The following CDK12 variants were observed in gnomAD, a reference collection of about 807,000 sequenced individuals.
The protein encoded by CDK12 is cyclin-dependent kinase 12.
Under a neutral mutation model 133.8 loss-of-function variants are expected in CDK12, and 17 were observed. The observed-to-expected ratio is 0.13, with a 90% CI of 0.09 to 0.19. The LOEUF (loss-of-function observed/expected upper bound fraction) is 0.19, where lower values mean the gene tolerates loss of function less well. Among genes scored for constraint, CDK12 ranks in the 10% least tolerant of loss-of-function variants. CDK12 has a pLI of 1.00. For missense variants in CDK12, 1,508 were observed against 1,818.7 expected (o/e 0.83, Z 3.11); for synonymous variants, 694 against 683.6 (o/e 1.02, Z -0.24).
intron 8 of CDK12, among the ~76,000 whole-genome samples, chr17:39,512,284 T>G (rs549754594): frequency 2.6e-5 from 4 of 152,278 alleles, no homozygotes; most frequent in Non-Finnish European, 5.9e-5. Flanking sequence ...AAATTGTAAA[T>G]GGATTAAAGG....
upstream of CDK12, chr17:39,544,189 G>T (rs1056330453): frequency 8.4e-6 from 4 of 477,538 alleles, no homozygotes; most frequent in Non-Finnish European, 1.7e-5. Context: ...GACCAAAGAT[G>T]TTCTTTGGTG....
chr17:39,530,304 C>T (rs2146818863), intron 13 of CDK12: 2 of 267,380 alleles, frequency 7.5e-6, no homozygotes, highest in Admixed American at 4.9e-5. Flanking sequence ...AGTCTGCCAA[C>T]AGCCTGCATG....
intron 1 of CDK12, chr17:39,550,555 GA>G (rs1483787440): frequency 6.6e-6 from 1 of 152,238 alleles, no homozygotes. Context: ...GTAGAGAGAA[GA>G]CAAGAGCTAT....
downstream of CDK12, among the ~76,000 whole-genome samples, chr17:39,535,992 CTT>C (rs2055117473): frequency 6.6e-6 from 1 of 152,080 alleles, no homozygotes; most frequent in African/African-American, 2.4e-5. Context: ...TTCCTGGACA[CTT>C]TGGTTAATTT....
At chr17:39,481,549 G>A (rs2145549599) in intron 2 of CDK12, among the ~76,000 whole-genome samples, 2 of 150,714 alleles carry the variant, frequency 1.3e-5, no homozygotes, top group East Asian at 3.9e-4. Context: ...AGCTCAAGCA[G>A]TCTGCCCACC....
chr17:39,563,341 G>A (rs1039385913), intron 3 of CDK12, among the ~76,000 whole-genome samples: 1 of 151,044 alleles, frequency 6.6e-6, no homozygotes, highest in Admixed American at 6.6e-5. Flanking sequence ...ATGGCCATGA[G>A]TCAGGTGGGC....
intron 1 of CDK12, among the ~76,000 whole-genome samples, chr17:39,466,493 A>C (rs960083939): frequency 6.6e-6 from 1 of 151,368 alleles, no homozygotes; most frequent in African/African-American, 2.4e-5. Context: ...ACATGCCTGT[A>C]ATCCCAGCTA....
chr17:39,515,014 G>A (rs1242526220), intron 8 of CDK12, among the ~76,000 whole-genome samples: 1 of 152,042 alleles, frequency 6.6e-6, no homozygotes, highest in East Asian at 1.9e-4. Flanking sequence ...TAAATGATTT[G>A]AGATTTATTC....
chr17:39,490,676 A>T lies in CDK12; in HGVS notation c.2051A>T (p.Asp684Val). Reference sequence around the variant, plus strand: ...CCTGGTGGAGATCTGTCTCCCCCAGACTCTCCAGAACCAAAGGCAATCACA... The same window carrying T: ...CCTGGTGGAGATCTGTCTCCCCCAGTCTCTCCAGAACCAAAGGCAATCACA... ...ELPGGDLSPP[D>V]SPEPKAITPP... The change falls in exon 3 of 14, where the codon GAC becomes GTC. Residue 684 changes from aspartate to valine, a missense_variant. Around this residue, in one of 9 missense-constraint regions of CDK12, gnomAD observed 347 missense variants for 330.8 expected, o/e 1.05. Coordinates refer to ENST00000447079, the MANE Select transcript of CDK12 (RefSeq NM_016507.4). 1 of 1,613,546 alleles carries T rather than the reference A, an allele frequency of 6.2e-7. No homozygotes were observed. The highest frequency in any genetic ancestry group is 8.5e-7 in the Non-Finnish European group (1 of 1,179,718).
intron 3 of CDK12, among the ~76,000 whole-genome samples, chr17:39,556,695 A>T (rs1311105952): frequency 6.6e-6 from 1 of 151,450 alleles, no homozygotes; most frequent in Non-Finnish European, 1.5e-5. Flanking sequence ...CACTGATGGG[A>T]AATTTATAGC....
chr17:39,472,813 C>T (rs1007473247), intron 2 of CDK12, among the ~76,000 whole-genome samples: 2 of 151,216 alleles, frequency 1.3e-5, no homozygotes, highest in Non-Finnish European at 3.0e-5. Context: ...CGGTGGCTCA[C>T]GCCTGTAATC....
At position 39,526,048 on chromosome 17, in the gene CDK12, T is replaced by C; in HGVS notation, c.3492T>C (p.Thr1164=). 2 of 1,614,210 alleles carry C rather than the reference T, an allele frequency of 1.2e-6. No homozygotes were observed. The highest frequency in any genetic ancestry group is 2.2e-5 in the East Asian group (1 of 44,888). The change falls in exon 13 of 14, where the codon ACT becomes ACC. Residue 1164 remains threonine (T), a synonymous_variant. Coordinates refer to ENST00000447079, the MANE Select transcript of CDK12 (RefSeq NM_016507.4). ...CCATCAGTGCCCTGACGGAAGCTAC[T>C]TCCCAGCAGCAGGACTCAGAGACCA... is the stretch of plus-strand genomic sequence containing the variant. The part of the protein sequence containing the change: ...NQSISALTEA[T]SQQQDSETMA...
intron 5 of CDK12, among the ~76,000 whole-genome samples, chr17:39,497,566 G>T (rs2052227843): frequency 6.6e-6 from 1 of 151,430 alleles, no homozygotes. Flanking sequence ...ATTGTCATCT[G>T]GATAGGTTAA....
At chr17:39,481,650 CTCTCTCTCT>C (rs2050685725) in intron 2 of CDK12, among the ~76,000 whole-genome samples, 3 of 15,770 alleles carry the variant, frequency 1.9e-4, no homozygotes, top group Non-Finnish European at 4.9e-4. Context: ...CTCTCTCTCT[CTCTCTCTCT>C]CTCTCTCTCT....
rs796372473 is a variant in CDK12, at chr17:39,509,638, G to A, written c.2610-67G>A. 3 of 1,035,638 alleles carry A rather than the reference G, an allele frequency of 2.9e-6. No individual in the cohort carries two copies. In the African/African-American group the frequency reaches 4.7e-5, roughly 16 times the overall value. 64.2% of individuals were successfully genotyped at this position (1,035,638 alleles called of 1,614,324 possible). On this transcript the variant is annotated intron_variant, in intron 6 of 13. Transcript: ENST00000447079. The stretch of plus-strand genomic sequence containing the variant: ...TTCCTTTACCCCTAACTTGGCGCAT[G>A]ACTTTTCAGGTGTATTTTGGAGGCC...
intron 6 of CDK12, among the ~76,000 whole-genome samples, chr17:39,505,539 A>AG: frequency 6.6e-6 from 1 of 152,014 alleles, no homozygotes; most frequent in South Asian, 2.1e-4. Flanking sequence ...AAAAAAAAAA[A>AG]AAAAGATTTG....
At chr17:39,471,836 A>G in intron 2 of CDK12, 73 bp downstream of exon 2, 1 of 1,264,092 alleles carries the variant, frequency 7.9e-7, no homozygotes, top group Non-Finnish European at 1.1e-6. Context: ...AATCTTTGTC[A>G]ACACTACCCT....
Position 39,532,300 on chromosome 17 carries a change from C to A in CDK12, c.*984C>A, listed in dbSNP as rs765512878. 4.3e-6 allele frequency: 1 copy of A among 233,118 alleles called. No homozygotes were observed. Among genetic ancestry groups the A allele is most frequent in the Non-Finnish European group, 8.5e-6 (1 of 117,998 alleles). The allele number at this position is 233,118 out of a possible 1,614,324, so 14.4% of individuals were successfully genotyped here. ...CATTGTTCTCTGTAACTCTTCAATTCTAAAATGTTTTGTTTTTTAAACCAT... is the reference window on the plus strand; with the variant it reads ...CATTGTTCTCTGTAACTCTTCAATTATAAAATGTTTTGTTTTTTAAACCAT... On this transcript the variant is annotated 3_prime_UTR_variant, in exon 14 of 14. Transcript: ENST00000447079.
chr17:39,488,178 G>A (rs1273753772), intron 2 of CDK12, among the ~76,000 whole-genome samples: 1 of 151,524 alleles, frequency 6.6e-6, no homozygotes, highest in Non-Finnish European at 1.5e-5. Flanking sequence ...AGGCTGCAGT[G>A]AGCCATGATT....
Sources: gnomAD v4.1 joint callset for allele counts (sites outside exome capture counted in the v4.1 genomes callset) on GRCh38, gnomAD v4.1.1 for gene constraint, gnomAD v4.1.1 regional missense constraint, MANE v1.5 for transcripts, NCBI Gene and HGNC (gene_info 2026-07-23, HGNC 2026-07-21) for gene names.